IQCB1: variants seen among roughly 807,000 people sequenced by gnomAD.
IQCB1 encodes the protein IQ calmodulin-binding motif-containing protein 1.
IQCB1 carries 56 observed loss-of-function variants against 84.4 expected under a neutral mutation model. That is an observed-to-expected ratio of 0.66 (90% CI 0.54 to 0.83). The LOEUF (loss-of-function observed/expected upper bound fraction) is 0.83. Among genes scored for constraint, IQCB1 ranks in the 40% least tolerant of loss-of-function variants. The probability of loss-of-function intolerance (pLI) is 0.00; values close to 1 mark genes in which losing one functional copy is unlikely to be tolerated. For synonymous variants in IQCB1, 210 were observed against 234.8 expected (o/e 0.89, Z 0.96); for missense variants, 629 against 682.1 (o/e 0.92, Z 0.87).
intron 5 of IQCB1, among the ~76,000 whole-genome samples, chr3:121,820,079 C>T (rs1223040775): frequency 6.6e-6 from 1 of 152,016 alleles, no homozygotes; most frequent in African/African-American, 2.4e-5. Flanking sequence ...CAGAATTGAT[C>T]ATCAATTTTT....
chr3:121,782,441 T>C (rs1948539765), intron 12 of IQCB1, among the ~76,000 whole-genome samples: 1 of 152,278 alleles, frequency 6.6e-6, no homozygotes, highest in Admixed American at 6.5e-5. Context: ...TCACATTGTT[T>C]AAAGCAGGGG....
intron 9 of IQCB1, among the ~76,000 whole-genome samples, chr3:121,796,528 T>G (rs1949200123): frequency 6.6e-6 from 1 of 152,108 alleles, no homozygotes; most frequent in South Asian, 2.1e-4. Context: ...AATCAATAAC[T>G]TGCTGCCTCA....
intron 10 of IQCB1, among the ~76,000 whole-genome samples, chr3:121,792,100 G>A (rs999037520): frequency 6.6e-6 from 1 of 151,736 alleles, no homozygotes; most frequent in African/African-American, 2.4e-5. Context: ...CAACAACAAC[G>A]ACAAAAAACT....
rs1949316200 is a variant in IQCB1 at position 121,799,265 on chromosome 3, G to C, written c.697C>G (p.Leu233Val). ...SPVIRSTATK[L>V]LLLMAESHQE... ...TGGGATTCAGCCATCAACAGTAGGA[G>C]TTTTGTAGCAGTACTTCTTATAACT... Residue 233 changes from leucine to valine, a missense_variant, in exon 8 of 15, where the codon CTC (leucine) becomes GTC (valine). Transcript: ENST00000310864. 6.2e-7 allele frequency: 1 copy of C among 1,610,568 alleles called. No individual in the cohort carries two copies.
intron 5 of IQCB1, among the ~76,000 whole-genome samples, chr3:121,816,753 T>C (rs1296432413): frequency 6.6e-6 from 1 of 152,064 alleles, no homozygotes; most frequent in African/African-American, 2.4e-5. Context: ...CATTAAAAAG[T>C]CAGGAAACAA....
At chr3:121,820,921 C>CAA (rs11378349) in intron 5 of IQCB1, among the ~76,000 whole-genome samples, 31 of 146,864 alleles carry the variant, frequency 2.1e-4, no homozygotes, top group South Asian at 8.6e-4. Flanking sequence ...TATGTCTCCT[C>CAA]AAAAAAAAAA....
In IQCB1 at chr3:121,808,997, C is replaced by CT; in HGVS notation, c.405dup (p.Asp136ArgfsTer2). The CT allele has an allele frequency of 1.2e-6, 2 of 1,600,304 alleles. No individual in the cohort carries two copies. The highest frequency in any genetic ancestry group is 1.7e-6 in the Non-Finnish European group (2 of 1,168,428). On this transcript the variant is annotated frameshift_variant, in exon 6 of 15. Transcript: ENST00000310864. LOFTEE classifies it high-confidence loss of function. ...ATTTGGAAAAAGTGTAGTAATTCAT[C>CT]TTTTTCTTCAGCCTTAACATAAAAG...
At chr3:121,807,672 ACTAAG>A (rs1208239084) in intron 6 of IQCB1, among the ~76,000 whole-genome samples, 8 of 151,994 alleles carry the variant, frequency 5.3e-5, no homozygotes, top group Non-Finnish European at 1.0e-4. Context: ...AGGCATAAAT[ACTAAG>A]CTAAGAATCT....
intron 13 of IQCB1, among the ~76,000 whole-genome samples, chr3:121,777,477 C>T (rs9816844): frequency 0.25 from 37,362 of 151,894 alleles, 4,898 homozygotes; most frequent in Non-Finnish European, 0.28. Flanking sequence ...TAGAAAATGT[C>T]CAGTAAAAAT....
At chr3:121,822,461 T>C (rs1950309344) in intron 5 of IQCB1, among the ~76,000 whole-genome samples, 1 of 152,168 alleles carries the variant, frequency 6.6e-6, no homozygotes, top group African/African-American at 2.4e-5. Flanking sequence ...ATCCACAAAG[T>C]ACAGAGCTTC....
intron 13 of IQCB1, 88 bp downstream of exon 13, chr3:121,781,655 A>T: frequency 9.7e-7 from 1 of 1,028,190 alleles, no homozygotes; most frequent in Admixed American, 2.3e-5. Context: ...ACACACACAC[A>T]CACACACAAT....
chr3:121,796,693 A>C (rs748260780), intron 9 of IQCB1, among the ~76,000 whole-genome samples: 17 of 152,212 alleles, frequency 1.1e-4, no homozygotes, highest in Non-Finnish European at 2.4e-4. Flanking sequence ...AAAAGTTTAA[A>C]TAGCTTATAG....
chr3:121,812,629 A>T (rs750928527), intron 5 of IQCB1, among the ~76,000 whole-genome samples: 8 of 152,234 alleles, frequency 5.3e-5, no homozygotes, highest in Non-Finnish European at 1.0e-4. Context: ...AGCATACACA[A>T]GTATCAATAG....
At chr3:121,826,314 A>G (rs553969510) in intron 4 of IQCB1, 134 bp from the exon 5 acceptor site, 236 of 863,520 alleles carry the variant, frequency 2.7e-4, no homozygotes, top group Non-Finnish European at 4.1e-4. Flanking sequence ...TTTTGTTGAA[A>G]AATTAGTCTA....
At chr3:121,781,985 T>A in intron 12 of IQCB1, 111 bp from the exon 13 acceptor site, 1 of 1,101,816 alleles carries the variant, frequency 9.1e-7, no homozygotes, top group Non-Finnish European at 1.4e-6. Flanking sequence ...TAACTCTGAG[T>A]GTGTATAAGG....
rs116333926 is a variant in IQCB1 at position 121,834,635 on chromosome 3, A to G, written c.-101-156T>C. Among the ~76,000 whole-genome samples, 349 of 152,310 alleles carry G rather than the reference A, an allele frequency of 2.3e-3. 2 individuals are homozygous for G. The highest frequency in any genetic ancestry group is 8.0e-3 in the African/African-American group (332 of 41,564). ...ACAAGAAACTTCCTCTGGTACAAAA[A>G]GGTCAGAAAACGATTACTGAGGTAA... On this transcript the variant is annotated intron_variant, in intron 1 of 14. Transcript: ENST00000310864.
rs1947923917 is a variant in IQCB1, at chr3:121,770,464, T to TG, written c.1677dup (p.Ile560HisfsTer16). 1.9e-6 allele frequency: 3 copies of TG among 1,614,250 alleles called. No individual in the cohort carries two copies. Among genetic ancestry groups the TG allele is most frequent in the Non-Finnish European group, 2.5e-6 (3 of 1,180,030 alleles). On this transcript the variant is annotated frameshift_variant, in exon 15 of 15. Transcript: ENST00000310864. LOFTEE classifies it high-confidence loss of function. ...AGCTTCTTCCACCAGGGTGCTTGTA[T>TG]GTGCTTCAGGGTTGTGAGATGGGCC...
chr3:121,797,320 G>T, intron 8 of IQCB1, 93 bp from the exon 9 acceptor site: 1 of 601,576 alleles, frequency 1.7e-6, no homozygotes, highest in South Asian at 2.4e-5. Flanking sequence ...TAAAAAGTCT[G>T]GCTTAAAAAC....
intron 13 of IQCB1, among the ~76,000 whole-genome samples, chr3:121,780,065 G>C (rs931876259): frequency 6.6e-6 from 1 of 152,116 alleles, no homozygotes; most frequent in Non-Finnish European, 1.5e-5. Context: ...ATACTCAAGG[G>C]GTAGATTCTG....
Sources: gnomAD v4.1 joint callset for allele counts (sites outside exome capture counted in the v4.1 genomes callset) on GRCh38, gnomAD v4.1.1 for gene constraint, MANE v1.5 for transcripts, NCBI Gene and HGNC (gene_info 2026-07-23, HGNC 2026-07-21) for gene names.